SEMA3D: variants seen among roughly 807,000 people sequenced by gnomAD.
The protein encoded by SEMA3D is semaphorin-3D.
SEMA3D carries 84 observed loss-of-function variants against 100.1 expected under a neutral mutation model. The observed-to-expected ratio is 0.84, with a 90% CI of 0.70 to 1.01. The LOEUF (loss-of-function observed/expected upper bound fraction) is 1.01, where lower values mean the gene tolerates loss of function less well. SEMA3D is among the 50% of genes least tolerant of loss of function. SEMA3D has a pLI of 0.00. For synonymous variants in SEMA3D, 312 were observed against 320.7 expected, an observed-to-expected ratio of 0.97 and a Z score of 0.29; for missense variants, 875 against 934.1, an observed-to-expected ratio of 0.94 and a Z score of 0.82.
chr7:85,086,118 C>G (rs1373399421), intron 4 of SEMA3D, among the ~76,000 whole-genome samples: 1 of 152,104 alleles, frequency 6.6e-6, no homozygotes, highest in Non-Finnish European at 1.5e-5. Flanking sequence ...TATACATTGG[C>G]TTATTTTGAC....
chr7:85,163,335 C>T (rs1296694328), intron 1 of SEMA3D, among the ~76,000 whole-genome samples: 1 of 151,948 alleles, frequency 6.6e-6, no homozygotes, highest in South Asian at 2.1e-4. Context: ...CAAGAGAATT[C>T]AGTAAGAAAA....
chr7:85,107,019 G>T (rs1788947120), intron 3 of SEMA3D, among the ~76,000 whole-genome samples: 1 of 151,950 alleles, frequency 6.6e-6, no homozygotes, highest in African/African-American at 2.4e-5. Context: ...GTATTTCCAA[G>T]ACTTTGAATG....
At chr7:85,141,781 A>G in intron 2 of SEMA3D, 3 of 789,434 alleles carry the variant, frequency 3.8e-6, no homozygotes, top group Non-Finnish European at 4.6e-6. Context: ...CAAGTCTCAT[A>G]AATCTGGGAA....
the SEMA3D span, among the ~76,000 whole-genome samples, chr7:85,219,531 T>C: frequency 2.0e-5 from 3 of 152,050 alleles, no homozygotes; most frequent in Non-Finnish European, 2.9e-5. Flanking sequence ...TCAACTTACT[T>C]TATAAATGGA....
At chr7:85,121,257 C>T (rs1004793579) in intron 3 of SEMA3D, among the ~76,000 whole-genome samples, 3 of 152,088 alleles carry the variant, frequency 2.0e-5, no homozygotes, top group Admixed American at 6.6e-5. Flanking sequence ...GATTTCATTT[C>T]TTAGAAAATT....
At chr7:85,215,332 C>A in the SEMA3D span, among the ~76,000 whole-genome samples, 3 of 152,042 alleles carry the variant, frequency 2.0e-5, no homozygotes, top group Non-Finnish European at 4.4e-5. Flanking sequence ...TTGTTGTTCT[C>A]ATATTAGAAA....
intron 9 of SEMA3D, among the ~76,000 whole-genome samples, chr7:85,055,235 T>A (rs989943403): frequency 1.3e-5 from 2 of 152,198 alleles, no homozygotes; most frequent in East Asian, 3.9e-4. Context: ...AGAATATACA[T>A]CTGATGATGC....
At chr7:85,214,476 CTT>C in the SEMA3D span, among the ~76,000 whole-genome samples, 1 of 151,926 alleles carries the variant, frequency 6.6e-6, no homozygotes, top group African/African-American at 2.4e-5. Flanking sequence ...ATGTGTATCT[CTT>C]TATTAAATTA....
chr7:85,205,147 A>G, the SEMA3D span, among the ~76,000 whole-genome samples: 1 of 152,014 alleles, frequency 6.6e-6, no homozygotes, highest in Non-Finnish European at 1.5e-5. Context: ...TTGCTTTCTC[A>G]TTATTGACGT....
At chr7:85,247,586 C>T in the SEMA3D span, among the ~76,000 whole-genome samples, 1 of 152,034 alleles carries the variant, frequency 6.6e-6, no homozygotes, top group Admixed American at 6.6e-5. Flanking sequence ...GCCAGAGTAA[C>T]TAAATCAACA....
At chr7:85,202,576 T>G in the SEMA3D span, among the ~76,000 whole-genome samples, 4 of 151,918 alleles carry the variant, frequency 2.6e-5, no homozygotes, top group Admixed American at 2.6e-4. Context: ...GGGAGAAAAT[T>G]TTCGCAACCT....
intron 12 of SEMA3D, among the ~76,000 whole-genome samples, chr7:85,034,431 A>AC (rs1191999105): frequency 6.6e-6 from 1 of 151,734 alleles, no homozygotes; most frequent in Non-Finnish European, 1.5e-5. Flanking sequence ...ACCTGGTGAA[A>AC]CCCCGTCTCT....
chr7:85,172,115 A>AT (rs912709624), intron 1 of SEMA3D, among the ~76,000 whole-genome samples: 3 of 152,176 alleles, frequency 2.0e-5, no homozygotes, highest in African/African-American at 7.2e-5. Flanking sequence ...ATCTGCAAAC[A>AT]TAGGGCAATA....
At chr7:85,061,346 T>TGAGCTGATCTC (rs1264322593) in intron 8 of SEMA3D, among the ~76,000 whole-genome samples, 1 of 152,136 alleles carries the variant, frequency 6.6e-6, no homozygotes, top group Non-Finnish European at 1.5e-5. Flanking sequence ...TGTTAAGTGG[T>TGAGCTGATCTC]TAGCTGATCT....
At chr7:85,211,092 C>T in the SEMA3D span, among the ~76,000 whole-genome samples, 19 of 151,954 alleles carry the variant, frequency 1.3e-4, no homozygotes, top group Admixed American at 1.2e-3. Flanking sequence ...TCTACAGTTC[C>T]AATTTAGTGT....
chr7:85,158,904 T>C (rs1445360544), intron 1 of SEMA3D, among the ~76,000 whole-genome samples: 1 of 152,130 alleles, frequency 6.6e-6, no homozygotes, highest in Non-Finnish European at 1.5e-5. Flanking sequence ...TTTTTTCTGT[T>C]TCACTAAGAT....
chr7:85,105,407 C>T (rs1788887169), intron 3 of SEMA3D, among the ~76,000 whole-genome samples: 1 of 152,048 alleles, frequency 6.6e-6, no homozygotes, highest in African/African-American at 2.4e-5. Flanking sequence ...CTCCAATATG[C>T]TTTCTGAGGC....
Position 85,119,471 on chromosome 7 carries a change from G to A in SEMA3D, c.151+2270C>T, listed in dbSNP as rs548060035. On this transcript the variant is annotated intron_variant, in intron 3 of 18. Transcript: ENST00000284136. ...GAGATCATGTTCTTTGCAGGGACAT[G>A]GATAGAACTGGAGGCCATTATCCTT... 7.8e-4 allele frequency among the ~76,000 whole-genome samples: 118 copies of A among 152,232 alleles called. 1 individual carries two copies. The highest frequency in any genetic ancestry group is 2.8e-3 in the African/African-American group (115 of 41,542).
At chr7:85,077,599 C>T (rs1475140726) in intron 5 of SEMA3D, among the ~76,000 whole-genome samples, 2 of 152,006 alleles carry the variant, frequency 1.3e-5, no homozygotes, top group Non-Finnish European at 2.9e-5. Context: ...GAAAAAATTT[C>T]AAGCTAAAAC....
Sources: gnomAD v4.1 joint callset for allele counts (sites outside exome capture counted in the v4.1 genomes callset) on GRCh38, gnomAD v4.1.1 for gene constraint, MANE v1.5 for transcripts, NCBI Gene and HGNC (gene_info 2026-07-23, HGNC 2026-07-21) for gene names.